KNL1: variants seen among roughly 807,000 people sequenced by gnomAD.
KNL1 encodes outer kinetochore KNL1 complex subunit KNL1.
Under a neutral mutation model 201.3 loss-of-function variants are expected in KNL1, and 66 were observed. The observed-to-expected ratio is 0.33, with a 90% CI of 0.27 to 0.40. The LOEUF is 0.40. Among genes scored for constraint, KNL1 ranks in the 10% least tolerant of loss-of-function variants. KNL1 has a pLI of 1.00. For missense variants in KNL1, 2,815 were observed against 2,690.5 expected (o/e 1.05, Z -1.02); for synonymous variants, 895 against 899.2 (o/e 1.00, Z 0.08).
At chr15:40,634,845 A>G (rs539400698) in intron 13 of KNL1, among the ~76,000 whole-genome samples, 5 of 152,124 alleles carry the variant, frequency 3.3e-5, no homozygotes, top group Non-Finnish European at 5.9e-5. Context: ...GATGTTATGA[A>G]TCTTCCCCTT....
At chr15:40,649,182 T>C (rs989900314) in intron 17 of KNL1, among the ~76,000 whole-genome samples, 12 of 151,364 alleles carry the variant, frequency 7.9e-5, no homozygotes, top group African/African-American at 2.9e-4. Context: ...AAAAAAAAAG[T>C]CCAAACTTCT....
intron 13 of KNL1, among the ~76,000 whole-genome samples, chr15:40,629,572 C>T (rs2141732524): frequency 7.3e-6 from 1 of 136,548 alleles, no homozygotes; most frequent in Non-Finnish European, 1.5e-5. Flanking sequence ...GGCGCCATCT[C>T]AGCTCACTGC....
At chr15:40,629,137 G>A (rs933239949) in intron 12 of KNL1, 136 bp from the exon 13 acceptor site, 2 of 521,210 alleles carry the variant, frequency 3.8e-6, no homozygotes, top group East Asian at 3.4e-5. Context: ...ATCTGCTCAT[G>A]TATAGCCTGC....
At chr15:40,652,737 T>A (rs1207265902) in intron 21 of KNL1, among the ~76,000 whole-genome samples, 1 of 119,012 alleles carries the variant, frequency 8.4e-6, no homozygotes, top group Non-Finnish European at 1.6e-5. Flanking sequence ...CACTCCAGCC[T>A]GGGCAACAGA....
At chr15:40,607,175 T>C (rs1484554263) in intron 4 of KNL1, among the ~76,000 whole-genome samples, 4 of 152,236 alleles carry the variant, frequency 2.6e-5, no homozygotes, top group Non-Finnish European at 4.4e-5. Context: ...GTGGGTATTA[T>C]AGGCATGAGC....
intron 10 of KNL1, 102 bp from the exon 11 acceptor site, chr15:40,627,968 T>C: frequency 1.3e-6 from 1 of 750,848 alleles, no homozygotes; most frequent in South Asian, 3.0e-5. Flanking sequence ...TCATATGAAT[T>C]ATAGATTAAT....
chr15:40,605,220 T>G, intron 3 of KNL1, 71 bp downstream of exon 3: 2 of 858,428 alleles, frequency 2.3e-6, no homozygotes, highest in East Asian at 4.8e-5. Flanking sequence ...ACAGTAGTTT[T>G]GACTGTGGCT....
intron 22 of KNL1, among the ~76,000 whole-genome samples, chr15:40,656,564 A>G (rs968818475): frequency 6.6e-6 from 1 of 152,130 alleles, no homozygotes; most frequent in Non-Finnish European, 1.5e-5. Flanking sequence ...TTCACCATAC[A>G]TGTTATAATC....
At chr15:40,614,463 C>G (rs1892277457) in intron 7 of KNL1, among the ~76,000 whole-genome samples, 1 of 151,706 alleles carries the variant, frequency 6.6e-6, no homozygotes, top group African/African-American at 2.4e-5. Context: ...AAACTCCTGA[C>G]CTCGGGTGAT....
At chr15:40,605,606 G>A (rs764756620) in intron 3 of KNL1, among the ~76,000 whole-genome samples, 5 of 152,108 alleles carry the variant, frequency 3.3e-5, no homozygotes, top group Non-Finnish European at 7.4e-5. Context: ...CATGTACCAC[G>A]TGTGGCTAAT....
In KNL1 at chr15:40,610,226, T is replaced by A. The variant is rs758343269; in HGVS notation, c.198-19T>A. ...ATTACAAATTGCAGGTTTTCAATAA[T>A]CTTTATTTTCTCTTCTAGGGTATTC... On this transcript the variant is annotated intron_variant, in intron 5 of 25. Transcript: ENST00000399668. 1 of 1,359,016 alleles carries A rather than the reference T, an allele frequency of 7.4e-7. No homozygotes were observed. The highest frequency in any genetic ancestry group is 1.0e-6 in the Non-Finnish European group (1 of 958,384). 84.2% of individuals were successfully genotyped at this position (1,359,016 alleles called of 1,614,324 possible).
chr15:40,639,630 C>T (rs1466878649), intron 13 of KNL1, among the ~76,000 whole-genome samples: 1 of 151,306 alleles, frequency 6.6e-6, no homozygotes, highest in African/African-American at 2.4e-5. Context: ...ATTAGCCAAG[C>T]ATGGTGGCTC....
chr15:40,633,714 AAT>A (rs1892978049), intron 13 of KNL1, among the ~76,000 whole-genome samples: 1 of 150,778 alleles, frequency 6.6e-6, no homozygotes, highest in Admixed American at 6.6e-5. Context: ...CTAATTTTTA[AAT>A]ATTTCTTAGA....
chr15:40,610,749 AATTT>A (rs759365655), intron 6 of KNL1: 4 of 454,940 alleles, frequency 8.8e-6, no homozygotes, highest in Admixed American at 2.4e-5. Context: ...ATAGTAAGTA[AATTT>A]ATTTATTTAT....
chr15:40,634,579 T>G (rs1301767177), intron 13 of KNL1, among the ~76,000 whole-genome samples: 1 of 152,176 alleles, frequency 6.6e-6, no homozygotes, highest in African/African-American at 2.4e-5. Context: ...CACAACTCTT[T>G]TGGGCCTCAG....
chr15:40,612,016 C>A (rs962787179), intron 7 of KNL1, among the ~76,000 whole-genome samples: 2 of 151,962 alleles, frequency 1.3e-5, no homozygotes, highest in Admixed American at 1.3e-4. Context: ...CCCATCTCTA[C>A]TAAAAAAATA....
At chr15:40,637,175 CTTTTTTT>C (rs35738751) in intron 13 of KNL1, among the ~76,000 whole-genome samples, 4 of 137,372 alleles carry the variant, frequency 2.9e-5, no homozygotes, top group Non-Finnish European at 4.7e-5. Context: ...TTTTTTCTTT[CTTTTTTT>C]TTTTTTGGTA....
chr15:40,609,522 A>T (rs1892089285), intron 5 of KNL1, among the ~76,000 whole-genome samples: 1 of 152,198 alleles, frequency 6.6e-6, no homozygotes, highest in South Asian at 2.1e-4. Flanking sequence ...CTTGAAGCTT[A>T]TTCTTAACCA....
chr15:40,650,019 G>A (rs962321939), intron 17 of KNL1: 9 of 234,064 alleles, frequency 3.8e-5, no homozygotes, highest in African/African-American at 2.1e-4. Flanking sequence ...ATTTCATACA[G>A]AGTAAGTGCC....
Sources: gnomAD v4.1 joint callset for allele counts (sites outside exome capture counted in the v4.1 genomes callset) on GRCh38, gnomAD v4.1.1 for gene constraint, MANE v1.5 for transcripts, NCBI Gene and HGNC (gene_info 2026-07-23, HGNC 2026-07-21) for gene names.